Variants in BBC3 observed in about 807,000 individuals in gnomAD.
The protein encoded by BBC3 is bcl-2-binding component 3.
BBC3 carries 5 observed loss-of-function variants against 18.2 expected under a neutral mutation model. The observed-to-expected ratio is 0.27, with a 90% CI of 0.14 to 0.58. BBC3 has a LOEUF of 0.58. BBC3 is among the 20% of genes least tolerant of loss of function. The pLI, the probability that BBC3 is intolerant of heterozygous loss-of-function variation, is 0.91. For missense variants in BBC3, 224 were observed against 268.9 expected (o/e 0.83, Z 1.17); for synonymous variants, 119 against 128.0 (o/e 0.93, Z 0.47).
In BBC3 at chr19:47,230,936, G is replaced by A. The variant is rs2058906243; in HGVS notation, c.-23C>T. 1.0e-6 allele frequency: 1 copy of A among 982,800 alleles called. No individual in the cohort carries two copies. The highest frequency in any genetic ancestry group is 1.2e-6 in the Non-Finnish European group (1 of 827,622). The allele number at this position is 982,800 out of a possible 1,614,324, so 60.9% of individuals were successfully genotyped here. A position where few individuals can be genotyped will look rare whatever the true frequency, so the allele number is the denominator to read the frequency against. On this transcript the variant is annotated 5_prime_UTR_variant, in exon 1 of 4. Coordinates refer to ENST00000439096, the MANE Select transcript of BBC3 (RefSeq NM_014417.5). The surrounding 1 kb of genome is among the most constrained non-coding windows in gnomAD (Gnocchi z 6.7). ...CGGGGCGCGCACACTCACCCCGGGGGCATGAACACGCCGGAGGGGGCGGCG... is the reference window on the plus strand; with the variant it reads ...CGGGGCGCGCACACTCACCCCGGGGACATGAACACGCCGGAGGGGGCGGCG...
chr19:47,223,969 C>T (rs556063832), intron 3 of BBC3, among the ~76,000 whole-genome samples: 4 of 152,150 alleles, frequency 2.6e-5, no homozygotes, highest in South Asian at 2.1e-4. Context: ...AGAGCGCACC[C>T]GGAAATATGC....
In BBC3 at chr19:47,231,100, C is replaced by CG. The variant is rs1445185828; in HGVS notation, c.-188dup. On this transcript the variant is annotated 5_prime_UTR_variant, in exon 1 of 4. It removes the in-frame stop codon of an upstream open reading frame in the 5' UTR. Transcript: ENST00000439096. The surrounding 1 kb of genome is among the most constrained non-coding windows in gnomAD (Gnocchi z 4.0). ...TGTGGCTGTGGCTGCTGCTGCTCCC[C>CG]GGGCCGCAGGCGCGTCCGCGTCGTG... 2 of 973,510 alleles carry CG rather than the reference C, an allele frequency of 2.1e-6. No individual in the cohort carries two copies. The highest frequency in any genetic ancestry group is 3.5e-5 in the African/African-American group (2 of 56,926). 60.3% of individuals were successfully genotyped at this position (973,510 alleles called of 1,614,324 possible).
At chr19:47,232,701 G>T, upstream of BBC3, 1 of 1,124,516 alleles carries the variant, frequency 8.9e-7, no homozygotes, top group Non-Finnish European at 1.3e-6. Context: ...TTTTTCCAAA[G>T]CCGTGGATTC....
At chr19:47,229,938 G>T (rs2058889017) in intron 1 of BBC3, among the ~76,000 whole-genome samples, 2 of 152,026 alleles carry the variant, frequency 1.3e-5, no homozygotes, top group South Asian at 4.2e-4. Context: ...CGGAGATACA[G>T]AGACGGCCTC....
chr19:47,232,420 C>G, upstream of BBC3: 1 of 1,036,206 alleles, frequency 9.7e-7, no homozygotes, highest in Non-Finnish European at 1.4e-6. Context: ...AAGAAACTGA[C>G]CACCCACACA....
upstream of BBC3, among the ~76,000 whole-genome samples, chr19:47,231,537 C>G (rs1234017394): frequency 6.6e-6 from 1 of 152,140 alleles, no homozygotes; most frequent in Non-Finnish European, 1.5e-5. The surrounding 1 kb of genome is among the most constrained non-coding windows in gnomAD (Gnocchi z 4.0). Flanking sequence ...GTACACAGAC[C>G]GACCGACGGG....
At chr19:47,232,441 T>C, upstream of BBC3, 4 of 1,354,048 alleles carry the variant, frequency 3.0e-6, no homozygotes, top group South Asian at 5.2e-5. Flanking sequence ...TGTCACAAAG[T>C]CACACCTGTG....
rs1480315468 is a variant in BBC3, at chr19:47,230,643, G to A, written c.-16+286C>T. On this transcript the variant is annotated intron_variant, in intron 1 of 3. Transcript: ENST00000439096. The surrounding 1 kb of genome is among the most constrained non-coding windows in gnomAD (Gnocchi z 6.7). ...CCCCTGGGGTCGACCCTCTTCCCCG[G>A]GGCCGCACTGGCCGCCAGGGGGCGC... The A allele has an allele frequency of 3.5e-6, 3 of 845,850 alleles. No homozygotes were observed. Among genetic ancestry groups the A allele is most frequent in the Non-Finnish European group, 4.3e-6 (3 of 702,904 alleles). The allele number at this position is 845,850 out of a possible 1,614,324, so 52.4% of individuals were successfully genotyped here. A position where few individuals can be genotyped will look rare whatever the true frequency, so the allele number is the denominator to read the frequency against.
chr19:47,221,790 G>C lies in BBC3; in HGVS notation c.*12C>G. On this transcript the variant is annotated 3_prime_UTR_variant, in exon 4 of 4. Transcript: ENST00000439096. The stretch of plus-strand genomic sequence containing the variant: ...CCCGAGTCCCTGACGTCCACCGGGC[G>C]GGTGCAGGCACCTAATTGGGCTCCA... 6.2e-7 allele frequency: 1 copy of C among 1,610,338 alleles called. No individual in the cohort carries two copies. Among genetic ancestry groups the C allele is most frequent in the Non-Finnish European group, 8.5e-7 (1 of 1,178,964 alleles).
chr19:47,228,357 G>A lies in BBC3; in HGVS notation c.75C>T (p.Phe25=). ...EGLARDGPRP[F]PLGRLVPSAV... ...CCGAGGGCACCAGGCGGCCGAGCGG[G>A]AAGGGGCGCGGGCCGTCGCGGGCCA... The change falls in exon 2 of 4, where the codon TTC becomes TTT. Residue 25 remains phenylalanine, a synonymous_variant. Coordinates refer to ENST00000439096, the MANE Select transcript of BBC3 (RefSeq NM_014417.5). This position sits in a 1 kb window ranked among gnomAD's most constrained non-coding sequence, Gnocchi z 5.5. 8.1e-7 allele frequency: 1 copy of A among 1,230,668 alleles called. No individual in the cohort carries two copies. Among genetic ancestry groups the A allele is most frequent in the Non-Finnish European group, 1.0e-6 (1 of 987,374 alleles). 76.2% of individuals were successfully genotyped at this position (1,230,668 alleles called of 1,614,324 possible). A position where few individuals can be genotyped will look rare whatever the true frequency, so the allele number is the denominator to read the frequency against.
intron 3 of BBC3, 119 bp downstream of exon 3, chr19:47,226,445 G>C: frequency 1.1e-6 from 1 of 931,992 alleles, no homozygotes; most frequent in Non-Finnish European, 1.4e-6. Flanking sequence ...CCACCTGCCT[G>C]TCCGCGGAGC....
chr19:47,222,089 A>G (rs2058758950), intron 3 of BBC3, 171 bp from the exon 4 acceptor site: 7 of 581,778 alleles, frequency 1.2e-5, no homozygotes, highest in African/African-American at 1.9e-5. Flanking sequence ...CATCCAGGAC[A>G]TGAGACCTGG....
rs575050974 is a variant in BBC3, at chr19:47,224,539, T to A, written c.465+2025A>T. ...TACTTGGGAGGCTGAGGCGGGAGGA[T>A]CCCTTAAACCCAGGAGTTGGAGGCT... is the stretch of plus-strand genomic sequence containing the variant. On this transcript the variant is annotated intron_variant, in intron 3 of 3. Transcript: ENST00000439096. Among the ~76,000 whole-genome samples, 77 of 151,890 alleles carry A rather than the reference T, an allele frequency of 5.1e-4. 2 individuals carry two copies. In the South Asian group the frequency reaches 0.015, roughly 30 times the overall value.
intron 3 of BBC3, among the ~76,000 whole-genome samples, chr19:47,225,634 G>A (rs1350603860): frequency 1.3e-5 from 2 of 152,178 alleles, no homozygotes. Context: ...TGGGATTACA[G>A]GAGTGAGCCA....
chr19:47,226,470 G>T, intron 3 of BBC3, 94 bp downstream of exon 3: 1 of 1,235,722 alleles, frequency 8.1e-7, no homozygotes, highest in Admixed American at 2.9e-5. Flanking sequence ...CAGCCGCGCA[G>T]GGCAGCAGCT....
intron 3 of BBC3, among the ~76,000 whole-genome samples, chr19:47,225,154 G>A (rs951896817): frequency 1.3e-5 from 2 of 151,648 alleles, no homozygotes; most frequent in African/African-American, 2.4e-5. Flanking sequence ...CAGGTGATCC[G>A]CCCTCCTCAG....
At chr19:47,232,534 C>G (rs945719351), upstream of BBC3, 1 of 1,548,828 alleles carries the variant, frequency 6.5e-7, no homozygotes, top group Admixed American at 2.0e-5. Flanking sequence ...GGCAGGGGAC[C>G]CACGTCGTGG....
In BBC3 at chr19:47,221,374, A is replaced by G; in HGVS notation, c.*428T>C. On this transcript the variant is annotated 3_prime_UTR_variant, in exon 4 of 4. Coordinates refer to ENST00000439096, the MANE Select transcript of BBC3 (RefSeq NM_014417.5). ...GGCCCCCTCCCAGGAGGAGGGGGGGAAGCACCAGGGGCCTGAGGCCAGGCC... is the reference window on the plus strand; with the variant it reads ...GGCCCCCTCCCAGGAGGAGGGGGGGGAGCACCAGGGGCCTGAGGCCAGGCC... The G allele has an allele frequency of 4.0e-6, 1 of 247,592 alleles. No homozygotes were observed. The highest frequency in any genetic ancestry group is 7.6e-6 in the Non-Finnish European group (1 of 131,626). 15.3% of individuals were successfully genotyped at this position (247,592 alleles called of 1,614,324 possible).
intron 3 of BBC3, among the ~76,000 whole-genome samples, chr19:47,225,996 T>C (rs1394746706): frequency 6.6e-6 from 1 of 151,694 alleles, no homozygotes; most frequent in Non-Finnish European, 1.5e-5. Context: ...AGCTGCCTGG[T>C]GGGCGCATGA....
Sources: allele counts gnomAD v4.1 joint callset (sites outside exome capture counted in the v4.1 genomes callset), GRCh38; gene constraint gnomAD v4.1.1; non-coding constraint Gnocchi (gnomAD v3.1); transcripts MANE v1.5; gene names NCBI Gene and HGNC (gene_info 2026-07-23, HGNC 2026-07-21).